ABCC5: variants seen among roughly 807,000 people sequenced by gnomAD.
ABCC5 encodes the protein ATP binding cassette subfamily C member 5.
In ABCC5, 61 loss-of-function variants were observed where a neutral mutation model predicts 160.9. The ratio of observed to expected loss-of-function variants is 0.38; its 90% CI spans 0.31 to 0.47. ABCC5 has a LOEUF of 0.47. ABCC5 is among the 20% of genes least tolerant of loss of function. ABCC5 has a pLI of 0.99. For missense variants in ABCC5, 1,308 were observed against 1,813.3 expected (o/e 0.72, Z 5.06); for synonymous variants, 666 against 700.6 (o/e 0.95, Z 0.78).
At chr3:184,010,494 T>A (rs577271084) in intron 2 of ABCC5, 1 of 152,454 alleles carries the variant, frequency 6.6e-6, no homozygotes, top group African/African-American at 2.4e-5. Flanking sequence ...TCTTCTCCAC[T>A]TCGTAGAGGA....
chr3:183,985,251 A>G (rs1719103319), intron 5 of ABCC5: 1 of 1,441,188 alleles, frequency 6.9e-7, no homozygotes, highest in African/African-American at 1.4e-5. Flanking sequence ...TGAGACTGTT[A>G]GCATAGCTGT....
intron 2 of ABCC5, among the ~76,000 whole-genome samples, chr3:183,992,359 G>C (rs1022647531): frequency 3.9e-5 from 6 of 152,134 alleles, no homozygotes; most frequent in Non-Finnish European, 7.3e-5. Flanking sequence ...CTGGGCAACA[G>C]AACAAGACTC....
Position 183,977,565 on chromosome 3 carries a change from A to T in ABCC5, c.1356T>A (p.Phe452Leu), listed in dbSNP as rs746521402. 5 of 1,614,118 alleles carry T rather than the reference A, an allele frequency of 3.1e-6. No homozygotes were observed. In the East Asian group the frequency reaches 1.1e-4, roughly 36 times the overall value. The change falls in exon 10 of 30, where the codon TTT (phenylalanine) becomes TTA (leucine). Residue 452 changes from phenylalanine to leucine, a missense_variant. Physicochemically the swap from Phe to Leu is conservative, Grantham distance 22 (BLOSUM62 0). Around this residue, in one of 3 missense-constraint regions of ABCC5, gnomAD observed 1,142 missense variants for 1,527.1 expected, o/e 0.75. Coordinates refer to ENST00000334444, the MANE Select transcript of ABCC5 (RefSeq NM_005688.4). The part of the protein sequence containing the change: ...SMTFALKVTP[F>L]SVKSLSEASV... The stretch of plus-strand genomic sequence containing the variant: ...AGGCTTCTGAGAGGGACTTTACTGA[A>T]AACGGTGTTACTTTCAAAGCAAAAG...
Position 183,982,503 on chromosome 3 carries a change from C to T in ABCC5, c.947G>A (p.Gly316Glu). The T allele has an allele frequency of 1.2e-6, 2 of 1,614,096 alleles. No individual in the cohort carries two copies. The highest frequency in any genetic ancestry group is 1.7e-6 in the Non-Finnish European group (2 of 1,180,020). Residue 316 changes from glycine to glutamate, a missense_variant, in exon 7 of 30, where the codon GGA becomes GAA. Coordinates refer to ENST00000334444, the MANE Select transcript of ABCC5 (RefSeq NM_005688.4). The surrounding 1 kb of genome is among the most constrained non-coding windows in gnomAD (Gnocchi z 5.2). ...LGMIYNVIILGPTGFLGSAVF... is the reference protein window; with the variant it reads ...LGMIYNVIILEPTGFLGSAVF... ...AGCTGATCCCAGGAAGCCTGTTGGTCCCAGAATAATTACATTATAAATCAT... is the reference window on the plus strand; with the variant it reads ...AGCTGATCCCAGGAAGCCTGTTGGTTCCAGAATAATTACATTATAAATCAT...
intron 27 of ABCC5, 77 bp downstream of exon 27, chr3:183,928,670 G>T: frequency 7.4e-7 from 1 of 1,342,812 alleles, no homozygotes. Context: ...GGCCAGAGCA[G>T]ACGGGGTGTG....
intron 26 of ABCC5, among the ~76,000 whole-genome samples, chr3:183,933,831 T>G (rs765440726): frequency 1.3e-5 from 2 of 152,214 alleles, no homozygotes; most frequent in Non-Finnish European, 2.9e-5. Flanking sequence ...TAAGAATTCC[T>G]TTCAAGTTTT....
Position 183,959,854 on chromosome 3 carries a change from A to G in ABCC5, c.2380-19T>C, listed in dbSNP as rs1343609215. 1 of 1,559,274 alleles carries G rather than the reference A, an allele frequency of 6.4e-7. No homozygotes were observed. The highest frequency in any genetic ancestry group is 2.2e-5 in the East Asian group (1 of 44,528). Reference sequence around the variant, plus strand: ...AATTGATCTAATAATATTTAAAAAAAAAAGTCTCCAGTCATGTTAGCCATC... The same window carrying G: ...AATTGATCTAATAATATTTAAAAAAGAAAGTCTCCAGTCATGTTAGCCATC... On this transcript the variant is annotated intron_variant, in intron 16 of 29. Coordinates refer to ENST00000334444, the MANE Select transcript of ABCC5 (RefSeq NM_005688.4).
intron 26 of ABCC5, among the ~76,000 whole-genome samples, chr3:183,936,600 C>G (rs532071369): frequency 6.6e-6 from 1 of 152,034 alleles, no homozygotes; most frequent in Admixed American, 6.6e-5. Context: ...CTCTGCCTCC[C>G]GGGTTCACAC....
chr3:183,924,908 G>C (rs1471069058), intron 29 of ABCC5, among the ~76,000 whole-genome samples: 1 of 152,224 alleles, frequency 6.6e-6, no homozygotes, highest in African/African-American at 2.4e-5. Flanking sequence ...ATGGGAGAGA[G>C]AAGGGCAAAG....
chr3:184,014,119 CGCCTCA>C, intron 2 of ABCC5, 139 bp downstream of exon 2: 1 of 568,618 alleles, frequency 1.8e-6, no homozygotes, highest in Non-Finnish European at 3.0e-6. Flanking sequence ...ATGATCCACC[CGCCTCA>C]GCCTCCCAAA....
At chr3:183,943,705 C>T (rs774931195) in intron 24 of ABCC5, among the ~76,000 whole-genome samples, 2 of 152,176 alleles carry the variant, frequency 1.3e-5, no homozygotes, top group Non-Finnish European at 2.9e-5. Flanking sequence ...GCTGGAAGGA[C>T]TCTGTGTTGG....
In ABCC5 at chr3:183,920,765, AC is replaced by A. The variant is rs1297930519; in HGVS notation, c.*534del. ...CTGTCGGAGGGCCCACTATTGCCACACGTCTTCCTTTGGACACCCAGAAAAC... is the reference window on the plus strand; with the variant it reads ...CTGTCGGAGGGCCCACTATTGCCACAGTCTTCCTTTGGACACCCAGAAAAC... On this transcript the variant is annotated 3_prime_UTR_variant, in exon 30 of 30. Coordinates refer to ENST00000334444, the MANE Select transcript of ABCC5 (RefSeq NM_005688.4). The surrounding 1 kb of genome is among the most constrained non-coding windows in gnomAD (Gnocchi z 4.1). The A allele has an allele frequency of 6.6e-6, 1 of 152,556 alleles. No individual in the cohort carries two copies. Among genetic ancestry groups the A allele is most frequent in the African/African-American group, 2.4e-5 (1 of 41,464 alleles). 9.5% of individuals were successfully genotyped at this position (152,556 alleles called of 1,614,324 possible).
chr3:183,968,215 G>A (rs1027695488), intron 11 of ABCC5, among the ~76,000 whole-genome samples: 22 of 152,094 alleles, frequency 1.4e-4, no homozygotes, highest in African/African-American at 4.6e-4. Context: ...TGCAGCTTCC[G>A]CTTCCGGGTT....
At chr3:183,956,888 G>A (rs1371339478) in intron 17 of ABCC5, among the ~76,000 whole-genome samples, 1 of 101,646 alleles carries the variant, frequency 9.8e-6, no homozygotes, top group Non-Finnish European at 1.9e-5. Context: ...ATGCAGATCC[G>A]TGTGTATATC....
chr3:183,957,079 C>T (rs1333210313), intron 17 of ABCC5, among the ~76,000 whole-genome samples: 6 of 109,510 alleles, frequency 5.5e-5, no homozygotes, highest in Admixed American at 3.7e-4. Context: ...CATGCGGGTC[C>T]GTGTGTACAT....
Position 183,950,072 on chromosome 3 carries a change from C to G in ABCC5, c.2998G>C (p.Val1000Leu). 6.2e-7 allele frequency: 1 copy of G among 1,614,102 alleles called. No homozygotes were observed. Among genetic ancestry groups the G allele is most frequent in the African/African-American group, 1.3e-5 (1 of 75,000 alleles). ...GCGATCATTCCCACACAGAAGAACA[C>G]CAGGATAACGTTCTGGATGAACATC... ...AEMFIQNVIL[V>L]FFCVGMIAGV... Residue 1000 changes from valine (V) to leucine (L), a missense_variant, in exon 21 of 30, where the codon GTG becomes CTG. By Grantham distance (32) the Val-to-Leu change is conservative. Around this residue, in one of 3 missense-constraint regions of ABCC5, gnomAD observed 1,142 missense variants for 1,527.1 expected, o/e 0.75. Transcript: ENST00000334444.
At chr3:183,969,426 C>A (rs889866637) in intron 11 of ABCC5, among the ~76,000 whole-genome samples, 4 of 152,228 alleles carry the variant, frequency 2.6e-5, no homozygotes, top group African/African-American at 9.6e-5. Flanking sequence ...GATGCAGCAG[C>A]TCACGCCTAT....
At chr3:183,974,493 G>A (rs1718044229) in intron 10 of ABCC5, among the ~76,000 whole-genome samples, 1 of 152,074 alleles carries the variant, frequency 6.6e-6, no homozygotes, top group Admixed American at 6.6e-5. Flanking sequence ...ATTTTTAGTA[G>A]AGACGGGGTT....
chr3:183,922,478 C>T (rs369165706), intron 29 of ABCC5, among the ~76,000 whole-genome samples: 9 of 152,332 alleles, frequency 5.9e-5, no homozygotes, highest in African/African-American at 2.2e-4. Flanking sequence ...TTTTGTTATG[C>T]AAGCTGATCT....
Sources: gnomAD v4.1 joint callset for allele counts (sites outside exome capture counted in the v4.1 genomes callset) on GRCh38, gnomAD v4.1.1 for gene constraint, gnomAD v4.1.1 regional missense constraint, Gnocchi (gnomAD v3.1) non-coding constraint, MANE v1.5 for transcripts, NCBI Gene and HGNC (gene_info 2026-07-23, HGNC 2026-07-21) for gene names.